AGFG1: variants seen among roughly 807,000 people sequenced by gnomAD.
AGFG1 encodes arf-GAP domain and FG repeat-containing protein 1.
AGFG1 carries 10 observed loss-of-function variants against 60.6 expected under a neutral mutation model. The observed-to-expected ratio is 0.16, with a 90% CI of 0.10 to 0.28. The LOEUF is 0.28. Ranked by LOEUF, AGFG1 falls within the 10% of genes least tolerant of loss-of-function variation. The probability of loss-of-function intolerance (pLI) is 1.00; values close to 1 mark genes in which losing one functional copy is unlikely to be tolerated. For synonymous variants in AGFG1, 247 were observed against 242.9 expected (o/e 1.02, Z -0.16); for missense variants, 537 against 676.5 (o/e 0.79, Z 2.29).
chr2:227,494,856 T>C (rs1314303173), intron 2 of AGFG1, among the ~76,000 whole-genome samples: 1 of 152,224 alleles, frequency 6.6e-6, no homozygotes, highest in Non-Finnish European at 1.5e-5. Context: ...GCAAAGGGCA[T>C]GGATACAATC....
intron 7 of AGFG1, 117 bp downstream of exon 7, chr2:227,533,875 G>C: frequency 1.1e-6 from 1 of 910,366 alleles, no homozygotes; most frequent in Non-Finnish European, 1.6e-6. Context: ...TAGAAATTTT[G>C]TCTGCACTGT....
chr2:227,520,132 C>T (rs1028440189), intron 3 of AGFG1, 69 bp downstream of exon 3: 3 of 901,440 alleles, frequency 3.3e-6, no homozygotes, highest in Non-Finnish European at 5.2e-6. Flanking sequence ...TAAGGTTAGT[C>T]TGACACAATG....
chr2:227,496,277 A>T (rs1262649837), intron 2 of AGFG1, among the ~76,000 whole-genome samples: 2 of 152,060 alleles, frequency 1.3e-5, no homozygotes, highest in East Asian at 3.9e-4. Flanking sequence ...AATAACGTAC[A>T]CTTTTCCCTT....
Position 227,537,008 on chromosome 2 carries a change from CAG to C in AGFG1, c.1378+16_1378+17del, listed in dbSNP as rs1692334530. On this transcript the variant is annotated intron_variant, in intron 10 of 12. Transcript: ENST00000310078. ...AGGAGCAACAGGTAAGAAAAAGAGA[CAG>C]TGGAACAGTAAGTTTTGGGGAAGAC... The C allele has an allele frequency of 1.9e-6, 3 of 1,600,420 alleles. No individual in the cohort carries two copies. The highest frequency in any genetic ancestry group is 2.6e-6 in the Non-Finnish European group (3 of 1,171,182).
At chr2:227,514,758 C>A (rs1559181747) in intron 2 of AGFG1, among the ~76,000 whole-genome samples, 1 of 152,080 alleles carries the variant, frequency 6.6e-6, no homozygotes, top group Non-Finnish European at 1.5e-5. Context: ...CAAAAGAGAC[C>A]ATCAAAACCA....
chr2:227,502,415 G>A (rs1459649253), intron 2 of AGFG1, among the ~76,000 whole-genome samples: 1 of 152,024 alleles, frequency 6.6e-6, no homozygotes, highest in Non-Finnish European at 1.5e-5. Flanking sequence ...CCGCCTTCTG[G>A]GTTCAGTTGG....
chr2:227,481,330 G>A (rs1284395582), intron 1 of AGFG1, among the ~76,000 whole-genome samples: 1 of 152,038 alleles, frequency 6.6e-6, no homozygotes, highest in African/African-American at 2.4e-5. Context: ...TGAGTTTGAA[G>A]TCTCTGTGGT....
At chr2:227,490,151 A>G (rs1055130610) in intron 1 of AGFG1, among the ~76,000 whole-genome samples, 1 of 152,168 alleles carries the variant, frequency 6.6e-6, no homozygotes, top group Non-Finnish European at 1.5e-5. Context: ...GTTACGCACC[A>G]TATTTAATTA....
intron 5 of AGFG1, among the ~76,000 whole-genome samples, chr2:227,530,710 A>G (rs996662144): frequency 7.2e-5 from 11 of 151,854 alleles, no homozygotes; most frequent in Non-Finnish European, 1.5e-4. Context: ...TACCATTTTT[A>G]ATCAGTGAAT....
intron 1 of AGFG1, among the ~76,000 whole-genome samples, chr2:227,490,584 A>C (rs1690782878): frequency 6.6e-6 from 1 of 151,882 alleles, no homozygotes; most frequent in South Asian, 2.1e-4. Context: ...TCTCAAAAAA[A>C]AAAAAAAAAA....
chr2:227,484,322 G>A (rs1690555723), intron 1 of AGFG1, among the ~76,000 whole-genome samples: 1 of 151,834 alleles, frequency 6.6e-6, no homozygotes, highest in South Asian at 2.1e-4. Flanking sequence ...CTGAGTAGCT[G>A]GGATTGAGGA....
chr2:227,546,188 A>T (rs1692641056), intron 10 of AGFG1, among the ~76,000 whole-genome samples: 1 of 152,188 alleles, frequency 6.6e-6, no homozygotes, highest in Non-Finnish European at 1.5e-5. Flanking sequence ...AAGCCTCAGT[A>T]ATGGCGGGCG....
At chr2:227,497,281 C>G (rs1470622561) in intron 2 of AGFG1, among the ~76,000 whole-genome samples, 1 of 150,352 alleles carries the variant, frequency 6.7e-6, no homozygotes, top group East Asian at 2.0e-4. Flanking sequence ...ATGTATAGAA[C>G]TCTTAACGTT....
intron 1 of AGFG1, among the ~76,000 whole-genome samples, chr2:227,489,565 C>G (rs903489863): frequency 6.6e-6 from 1 of 152,032 alleles, no homozygotes; most frequent in Non-Finnish European, 1.5e-5. Flanking sequence ...TTACTTAGTT[C>G]TTCTTGTTCA....
intron 8 of AGFG1, among the ~76,000 whole-genome samples, chr2:227,536,249 C>T (rs1341006626): frequency 6.8e-6 from 1 of 146,642 alleles, no homozygotes; most frequent in Non-Finnish European, 1.5e-5. Context: ...TCAACTCACA[C>T]CTATGAGTGA....
At chr2:227,554,285 T>C (rs1414895441) in intron 12 of AGFG1, 151 bp from the exon 13 acceptor site, 12 of 655,602 alleles carry the variant, frequency 1.8e-5, no homozygotes, top group Non-Finnish European at 1.6e-5. Context: ...ATATAGCTTA[T>C]TGCCAATAAC....
At chr2:227,517,824 A>G (rs1302909580) in intron 2 of AGFG1, among the ~76,000 whole-genome samples, 2 of 152,158 alleles carry the variant, frequency 1.3e-5, no homozygotes, top group Non-Finnish European at 2.9e-5. Context: ...CTTGTTTTTG[A>G]TAATTTTGCT....
At position 227,482,011 on chromosome 2, in the gene AGFG1, G is replaced by A. The variant is rs368974058; in HGVS notation, c.167+9423G>A. Among the ~76,000 whole-genome samples the A allele has an allele frequency of 3.1e-4, 47 of 151,740 alleles. No homozygotes were observed. The East Asian group carries it at 5.6e-3, about 18-fold the overall frequency. ...CTCCCACGTAGCTGGGACTACAGGC[G>A]CCCGCCACCTTGCCCCGCTAATTTT... On this transcript the variant is annotated intron_variant, in intron 1 of 12. Transcript: ENST00000310078.
chr2:227,490,681 C>A (rs540323891), intron 1 of AGFG1, among the ~76,000 whole-genome samples: 1 of 151,860 alleles, frequency 6.6e-6, no homozygotes, highest in African/African-American at 2.4e-5. Context: ...TGGAACTTTG[C>A]GTAGGTTACT....
Sources: allele counts gnomAD v4.1 joint callset (sites outside exome capture counted in the v4.1 genomes callset), GRCh38; gene constraint gnomAD v4.1.1; transcripts MANE v1.5; gene names NCBI Gene and HGNC (gene_info 2026-07-23, HGNC 2026-07-21).